ANTXR1: variants seen among roughly 807,000 people sequenced by gnomAD.
ANTXR1 encodes the protein ANTXR cell adhesion molecule 1, also known as anthrax toxin receptor 1.
Under a neutral mutation model 78.1 loss-of-function variants are expected in ANTXR1, and 19 were observed. The ratio of observed to expected loss-of-function variants is 0.24; its 90% confidence interval spans 0.17 to 0.36. ANTXR1 has a LOEUF of 0.36. Ranked by LOEUF, ANTXR1 falls within the 10% of genes least tolerant of loss-of-function variation. The pLI is 1.00. For synonymous variants in ANTXR1, 273 were observed against 260.5 expected, an observed-to-expected ratio of 1.05 and a Z score of -0.46; for missense variants, 518 against 718.6, an observed-to-expected ratio of 0.72 and a Z score of 3.19.
intron 9 of ANTXR1, among the ~76,000 whole-genome samples, chr2:69,094,910 A>G (rs1373048776): frequency 6.6e-6 from 1 of 152,224 alleles, no homozygotes; most frequent in Non-Finnish European, 1.5e-5. Context: ...AATTAACGGT[A>G]AGATAGCAGA....
At chr2:69,085,241 C>T (rs1325910960) in intron 8 of ANTXR1, among the ~76,000 whole-genome samples, 2 of 152,132 alleles carry the variant, frequency 1.3e-5, no homozygotes, top group African/African-American at 2.4e-5. Context: ...CTGGGCCCCA[C>T]CTGCCAACTA....
chr2:69,195,412 T>C (rs117136098), intron 17 of ANTXR1, among the ~76,000 whole-genome samples: 2,023 of 152,170 alleles, frequency 0.013, 43 homozygotes, highest in South Asian at 0.087. Flanking sequence ...TGACAGTGGG[T>C]GGTTTGTAGC....
intron 17 of ANTXR1, among the ~76,000 whole-genome samples, chr2:69,225,889 G>C (rs1448679364): frequency 6.6e-6 from 1 of 152,236 alleles, no homozygotes; most frequent in African/African-American, 2.4e-5. Context: ...TGAAAGGCAA[G>C]AAAGGACCAG....
chr2:69,075,756 G>A, intron 7 of ANTXR1, 98 bp downstream of exon 7: 1 of 1,109,964 alleles, frequency 9.0e-7, no homozygotes, highest in Non-Finnish European at 1.4e-6. Flanking sequence ...TGGAATAAAT[G>A]CCCCTGAAAT....
chr2:69,179,269 A>C (rs1573958180), intron 14 of ANTXR1, among the ~76,000 whole-genome samples: 1 of 152,284 alleles, frequency 6.6e-6, no homozygotes, highest in South Asian at 2.1e-4. Flanking sequence ...AATTAAGTCC[A>C]TGTGCGGTGG....
At chr2:69,086,768 T>C (rs1383636312) in intron 8 of ANTXR1, among the ~76,000 whole-genome samples, 1 of 152,216 alleles carries the variant, frequency 6.6e-6, no homozygotes, top group African/African-American at 2.4e-5. Flanking sequence ...GACATTCTCT[T>C]AAGTGCTTTA....
In ANTXR1 at chr2:69,075,674, TC is replaced by T. The variant is rs145219360; in HGVS notation, c.561+18del. 1,636 of 1,613,012 alleles carry T rather than the reference TC, an allele frequency of 1.0e-3. 22 individuals are homozygous for T. In the East Asian group the frequency reaches 0.024, roughly 24 times the overall value. Reference sequence around the variant, plus strand: ...TGAGACACAGGTATGGTAATGGATTTCCTCAGGTTTGGAGCATACTGAGCTT... The same window carrying T: ...TGAGACACAGGTATGGTAATGGATTTCTCAGGTTTGGAGCATACTGAGCTT... On this transcript the variant is annotated intron_variant, in intron 7 of 17. Coordinates refer to ENST00000303714, the MANE Select transcript of ANTXR1 (RefSeq NM_032208.3).
chr2:69,165,819 C>G (rs1673812236), intron 13 of ANTXR1, among the ~76,000 whole-genome samples: 1 of 152,122 alleles, frequency 6.6e-6, no homozygotes, highest in Non-Finnish European at 1.5e-5. Flanking sequence ...AGGATCAAAG[C>G]CTACACATTA....
chr2:69,071,707 GACAA>G (rs766280412), intron 4 of ANTXR1, 43 bp from the exon 5 acceptor site: 17 of 1,604,168 alleles, frequency 1.1e-5, no homozygotes, highest in Middle Eastern at 1.6e-4. Flanking sequence ...TTTTTGGAGT[GACAA>G]ACAGTGGTTA....
At chr2:69,108,674 G>A (rs544876635) in intron 10 of ANTXR1, among the ~76,000 whole-genome samples, 6 of 152,160 alleles carry the variant, frequency 3.9e-5, no homozygotes, top group African/African-American at 7.2e-5. Context: ...GTGTCCATGT[G>A]TTCTCATCAT....
chr2:69,152,594 C>T (rs1356382474), intron 13 of ANTXR1, among the ~76,000 whole-genome samples: 3 of 152,178 alleles, frequency 2.0e-5, no homozygotes, highest in Non-Finnish European at 4.4e-5. Flanking sequence ...ACATATATGC[C>T]TCTGTGTACG....
intron 9 of ANTXR1, among the ~76,000 whole-genome samples, chr2:69,102,622 A>G (rs771523988): frequency 4.6e-5 from 7 of 152,230 alleles, no homozygotes; most frequent in Non-Finnish European, 8.8e-5. Flanking sequence ...AAGGGTGGGA[A>G]TTCAAATAAG....
chr2:69,110,478 A>T (rs951774751), intron 10 of ANTXR1, among the ~76,000 whole-genome samples: 4 of 152,244 alleles, frequency 2.6e-5, no homozygotes, highest in African/African-American at 9.6e-5. Context: ...CTTCACCCCT[A>T]AATAATTAAA....
chr2:69,125,870 C>G (rs2104384728), intron 12 of ANTXR1, among the ~76,000 whole-genome samples: 1 of 152,172 alleles, frequency 6.6e-6, no homozygotes, highest in East Asian at 1.9e-4. Context: ...ACATCAGCCC[C>G]TAACATGAGC....
chr2:69,083,029 G>A (rs1341765091), intron 8 of ANTXR1, among the ~76,000 whole-genome samples: 1 of 152,180 alleles, frequency 6.6e-6, no homozygotes, highest in Admixed American at 6.5e-5. Context: ...CTATTCCATG[G>A]TATATATAAA....
At chr2:69,242,358 C>A (rs1039670057) in intron 17 of ANTXR1, among the ~76,000 whole-genome samples, 7 of 152,138 alleles carry the variant, frequency 4.6e-5, no homozygotes, top group African/African-American at 1.7e-4. Flanking sequence ...TGGATGCTTT[C>A]AACTTTTTTG....
chr2:69,168,297 C>G (rs1293223327), intron 13 of ANTXR1, among the ~76,000 whole-genome samples: 1 of 152,220 alleles, frequency 6.6e-6, no homozygotes, highest in African/African-American at 2.4e-5. Flanking sequence ...AGATGCTTAA[C>G]ACACATGATC....
chr2:69,040,776 T>C (rs1249114935), intron 2 of ANTXR1, among the ~76,000 whole-genome samples: 1 of 152,210 alleles, frequency 6.6e-6, no homozygotes, highest in African/African-American at 2.4e-5. Context: ...ACAACAGTAA[T>C]AGCTTTCATA....
At chr2:69,240,209 T>C (rs1037219233) in intron 17 of ANTXR1, among the ~76,000 whole-genome samples, 4 of 152,246 alleles carry the variant, frequency 2.6e-5, no homozygotes, top group African/African-American at 9.6e-5. Context: ...GTGTGAGCAG[T>C]ACTTGTTGAG....
Sources: allele counts gnomAD v4.1 joint callset (sites outside exome capture counted in the v4.1 genomes callset), GRCh38; gene constraint gnomAD v4.1.1; transcripts MANE v1.5; gene names NCBI Gene and HGNC (gene_info 2026-07-23, HGNC 2026-07-21).